The following CSGALNACT1 variants were observed in gnomAD, a reference collection of about 807,000 sequenced individuals.
The protein encoded by CSGALNACT1 is chondroitin sulfate N-acetylgalactosaminyltransferase 1.
Under a neutral mutation model 51.0 loss-of-function variants are expected in CSGALNACT1, and 52 were observed. The ratio of observed to expected loss-of-function variants is 1.02; its 90% CI spans 0.82 to 1.29. The LOEUF (loss-of-function observed/expected upper bound fraction) is 1.29, where lower values mean the gene tolerates loss of function less well. Ranked by LOEUF, CSGALNACT1 falls within the 50% of genes most tolerant of loss-of-function variation. The probability of loss-of-function intolerance (pLI) is 0.00; values close to 1 mark genes in which losing one functional copy is unlikely to be tolerated. For synonymous variants in CSGALNACT1, 341 were observed against 254.4 expected, an observed-to-expected ratio of 1.34 and a Z score of -3.24; for missense variants, 935 against 679.2, an observed-to-expected ratio of 1.38 and a Z score of -4.19.
At chr8:19,549,411 T>G (rs527865964) in intron 3 of CSGALNACT1, among the ~76,000 whole-genome samples, 3 of 152,166 alleles carry the variant, frequency 2.0e-5, no homozygotes, top group African/African-American at 7.2e-5. Context: ...GATTTCTCTA[T>G]GTATCTAACA....
At chr8:19,609,554 G>T (rs533730060) in intron 1 of CSGALNACT1, among the ~76,000 whole-genome samples, 1 of 150,974 alleles carries the variant, frequency 6.6e-6, no homozygotes, top group Non-Finnish European at 1.5e-5. Context: ...AGCATGGATC[G>T]TAATTATGCC....
At chr8:19,568,657 T>C (rs1215611857) in intron 3 of CSGALNACT1, among the ~76,000 whole-genome samples, 3 of 152,188 alleles carry the variant, frequency 2.0e-5, no homozygotes, top group Middle Eastern at 3.2e-3. Context: ...TGGCAATATA[T>C]ATAAAACTTC....
At chr8:19,660,531 A>G (rs1176769309) in intron 1 of CSGALNACT1, among the ~76,000 whole-genome samples, 1 of 152,182 alleles carries the variant, frequency 6.6e-6, no homozygotes, top group African/African-American at 2.4e-5. Flanking sequence ...GCTTTGCCGT[A>G]GCCAGGTGAT....
At chr8:19,530,851 G>A (rs918729889) in intron 3 of CSGALNACT1, among the ~76,000 whole-genome samples, 19 of 152,224 alleles carry the variant, frequency 1.2e-4, no homozygotes, top group Admixed American at 1.2e-3. Flanking sequence ...CACGAAATGA[G>A]CAACAGAAGT....
chr8:19,640,146 C>T (rs1489080444), intron 1 of CSGALNACT1, among the ~76,000 whole-genome samples: 1 of 152,130 alleles, frequency 6.6e-6, no homozygotes, highest in East Asian at 1.9e-4. Flanking sequence ...TTATTTCCCT[C>T]AATGATACTG....
chr8:19,686,754 C>T (rs559718178), upstream of CSGALNACT1, among the ~76,000 whole-genome samples: 1 of 152,304 alleles, frequency 6.6e-6, no homozygotes, highest in Admixed American at 6.5e-5. Context: ...AATTTAACAA[C>T]CTCAGAAGGG....
intron 4 of CSGALNACT1, among the ~76,000 whole-genome samples, chr8:19,489,549 G>A (rs1441412292): frequency 6.6e-6 from 1 of 152,000 alleles, no homozygotes; most frequent in Non-Finnish European, 1.5e-5. Context: ...TTTAATCAAC[G>A]TTTATGTACC....
At chr8:19,530,134 T>C (rs1388031530) in intron 3 of CSGALNACT1, among the ~76,000 whole-genome samples, 2 of 151,860 alleles carry the variant, frequency 1.3e-5, no homozygotes, top group Non-Finnish European at 2.9e-5. Context: ...GGCATGAAAA[T>C]TGCATGAACC....
intron 3 of CSGALNACT1, among the ~76,000 whole-genome samples, chr8:19,533,128 T>C (rs1242191499): frequency 6.6e-6 from 1 of 152,130 alleles, no homozygotes; most frequent in Non-Finnish European, 1.5e-5. Context: ...TTTGTTTTTG[T>C]TTTTGAGAGA....
chr8:19,489,428 T>C (rs2073863298), intron 4 of CSGALNACT1, among the ~76,000 whole-genome samples: 1 of 152,216 alleles, frequency 6.6e-6, no homozygotes. Flanking sequence ...AGAGCCATCC[T>C]TTCCTCTGGT....
exon 10 of CSGALNACT1, chr8:19,404,326 G>A (rs1037821766): frequency 6.6e-6 from 3 of 453,614 alleles, no homozygotes; most frequent in Admixed American, 2.4e-5. Context: ...AGTTTACTGT[G>A]AGCAAACAGA....
At chr8:19,550,827 C>T (rs7009923) in intron 3 of CSGALNACT1, among the ~76,000 whole-genome samples, 1,734 of 152,262 alleles carry the variant, frequency 0.011, 25 homozygotes, top group African/African-American at 0.039. Context: ...GAAGATAGCA[C>T]CATTCCATAC....
intron 1 of CSGALNACT1, among the ~76,000 whole-genome samples, chr8:19,627,713 T>C (rs1666592753): frequency 6.6e-6 from 1 of 152,120 alleles, no homozygotes; most frequent in Admixed American, 6.5e-5. Context: ...TAGTCCCAGC[T>C]ACGTTGGAGG....
chr8:19,654,044 G>T (rs1212019654), intron 1 of CSGALNACT1, among the ~76,000 whole-genome samples: 5 of 152,136 alleles, frequency 3.3e-5, no homozygotes, highest in Admixed American at 3.3e-4. Context: ...AGCTGATCCT[G>T]CAACGCCTAA....
rs551931568 is a variant in CSGALNACT1 at position 19,448,633 on chromosome 8, G to T, written c.852-8702C>A. ...GGAAAGGGGGACTGAGGAGGAGGGG[G>T]ATCCAGGCTGAGCCTTGATAGGTGA... On this transcript the variant is annotated intron_variant, in intron 5 of 9. Transcript: ENST00000454498. 2.6e-5 allele frequency among the ~76,000 whole-genome samples: 4 copies of T among 152,220 alleles called. No individual in the cohort carries two copies. In the South Asian group the frequency reaches 8.3e-4, roughly 32 times the overall value.
At chr8:19,468,990 C>T (rs940465050) in intron 4 of CSGALNACT1, among the ~76,000 whole-genome samples, 14 of 152,126 alleles carry the variant, frequency 9.2e-5, no homozygotes, top group African/African-American at 3.4e-4. Context: ...ATGACAGAAG[C>T]ACTCAGAGGG....
upstream of CSGALNACT1, among the ~76,000 whole-genome samples, chr8:19,684,483 G>C (rs1031478903): frequency 6.6e-6 from 1 of 152,110 alleles, no homozygotes; most frequent in Non-Finnish European, 1.5e-5. Context: ...CAGTGGGATA[G>C]GAATTGTCTC....
intron 4 of CSGALNACT1, among the ~76,000 whole-genome samples, chr8:19,498,219 G>T (rs1428775441): frequency 2.0e-5 from 3 of 152,192 alleles, no homozygotes; most frequent in Non-Finnish European, 4.4e-5. Context: ...TCAAGCCTGA[G>T]ACCTGGCTTT....
At chr8:19,405,964 A>G (rs766450784) in exon 10 of CSGALNACT1, 23 of 1,614,184 alleles carry the variant, frequency 1.4e-5, no homozygotes, top group Non-Finnish European at 1.9e-5. Flanking sequence ...GAGGTGGAAG[A>G]GTCCTCGCAC....
Sources: allele counts gnomAD v4.1 joint callset (sites outside exome capture counted in the v4.1 genomes callset), GRCh38; gene constraint gnomAD v4.1.1; transcripts MANE v1.5; gene names NCBI Gene and HGNC (gene_info 2026-07-23, HGNC 2026-07-21).